Variants in PCBP3 observed in about 807,000 individuals in gnomAD.
The protein encoded by PCBP3 is poly(rC)-binding protein 3.
A neutral mutation model predicts 52.7 loss-of-function variants in PCBP3; 25 were observed. The ratio of observed to expected loss-of-function variants is 0.47; its 90% CI spans 0.35 to 0.66. PCBP3 has a LOEUF of 0.66. Ranked by LOEUF, PCBP3 falls within the 30% of genes least tolerant of loss-of-function variation. The probability of loss-of-function intolerance (pLI) is 0.01; values close to 1 mark genes in which losing one functional copy is unlikely to be tolerated. For missense variants in PCBP3, 391 were observed against 490.3 expected (o/e 0.80, Z 1.91); for synonymous variants, 162 against 183.0 (o/e 0.89, Z 0.93).
At chr21:45,925,285 A>G (rs935964459) in intron 13 of PCBP3, among the ~76,000 whole-genome samples, 6 of 152,136 alleles carry the variant, frequency 3.9e-5, no homozygotes, top group African/African-American at 1.2e-4. Context: ...CTCAACGCAC[A>G]TGTTAAAGTT....
chr21:45,722,419 A>G (rs58814110), intron 2 of PCBP3, among the ~76,000 whole-genome samples: 4,567 of 152,318 alleles, frequency 0.03, 238 homozygotes, highest in African/African-American at 0.1. Context: ...ATGAATGTAT[A>G]TCACTTTTAT....
chr21:45,689,165 A>G (rs1235227505), intron 2 of PCBP3, among the ~76,000 whole-genome samples: 1 of 152,114 alleles, frequency 6.6e-6, no homozygotes, highest in Admixed American at 6.5e-5. Context: ...GATCATAGAT[A>G]TAAAAGTCCT....
chr21:45,746,925 G>A (rs574624995), intron 3 of PCBP3, among the ~76,000 whole-genome samples: 3 of 100,994 alleles, frequency 3.0e-5, no homozygotes, highest in East Asian at 4.7e-4. Context: ...CAGCATCGCC[G>A]TGTCAGTCCA....
intron 2 of PCBP3, among the ~76,000 whole-genome samples, chr21:45,692,155 A>G (rs770639003): frequency 1.8e-4 from 28 of 152,208 alleles, no homozygotes; most frequent in Non-Finnish European, 3.2e-4. Context: ...AAGGGTCTCA[A>G]TAAAGAATCC....
At chr21:45,843,515 T>C (rs1397125815) in intron 4 of PCBP3, among the ~76,000 whole-genome samples, 1 of 152,244 alleles carries the variant, frequency 6.6e-6, no homozygotes, top group Non-Finnish European at 1.5e-5. Flanking sequence ...TTTGTGTTTC[T>C]TTACTCCTTT....
intron 3 of PCBP3, among the ~76,000 whole-genome samples, chr21:45,738,714 G>GC (rs1195453544): frequency 6.6e-6 from 1 of 151,032 alleles, no homozygotes; most frequent in Non-Finnish European, 1.5e-5. Flanking sequence ...CCCCTGGGTA[G>GC]CCCCCCCATC....
At chr21:45,840,774 C>A (rs1051213537) in intron 4 of PCBP3, among the ~76,000 whole-genome samples, 5 of 152,152 alleles carry the variant, frequency 3.3e-5, no homozygotes, top group African/African-American at 1.2e-4. Context: ...GCCACCATGC[C>A]TGGCTAATTT....
chr21:45,901,691 A>T (rs1466520599), intron 9 of PCBP3: 1 of 154,048 alleles, frequency 6.5e-6, no homozygotes, highest in Non-Finnish European at 1.4e-5. Flanking sequence ...AGACAGAGAG[A>T]TGAGAGAGAG....
intron 1 of PCBP3, among the ~76,000 whole-genome samples, chr21:45,655,835 T>G (rs886663315): frequency 6.6e-6 from 1 of 150,928 alleles, no homozygotes; most frequent in African/African-American, 2.4e-5. Flanking sequence ...CATCAAAAAG[T>G]GGGCAAGGCA....
chr21:45,785,375 C>A (rs567220286), intron 4 of PCBP3, among the ~76,000 whole-genome samples: 1 of 148,856 alleles, frequency 6.7e-6, no homozygotes, highest in Admixed American at 6.6e-5. Context: ...GCCGCCCCAT[C>A]CGGGAGGTGA....
intron 4 of PCBP3, among the ~76,000 whole-genome samples, chr21:45,779,972 C>T (rs569916586): frequency 2.2e-4 from 33 of 152,238 alleles, no homozygotes; most frequent in Admixed American, 7.2e-4. Context: ...CCTGCACAAA[C>T]GTGGCCAATT....
intron 2 of PCBP3, among the ~76,000 whole-genome samples, chr21:45,708,364 G>A (rs905027273): frequency 6.6e-6 from 1 of 152,154 alleles, no homozygotes; most frequent in Non-Finnish European, 1.5e-5. Flanking sequence ...TCAAATTGCT[G>A]CTGTGAGAGT....
intron 1 of PCBP3, among the ~76,000 whole-genome samples, chr21:45,659,337 C>CTTTTTTTTTTTT (rs36113182): frequency 1.1e-4 from 9 of 78,738 alleles, no homozygotes; most frequent in Admixed American, 4.6e-4. Context: ...TTTTACTTTC[C>CTTTTTTTTTTTT]TTTTTTTTTT....
At position 45,791,959 on chromosome 21, in the gene PCBP3, C is replaced by T. The variant is rs537637296; in HGVS notation, c.-126+36507C>T. 6.6e-6 allele frequency among the ~76,000 whole-genome samples: 1 copy of T among 152,386 alleles called. No homozygotes were observed. The highest frequency in any genetic ancestry group is 2.1e-4 in the South Asian group (1 of 4,832). On this transcript the variant is annotated intron_variant, in intron 4 of 17. Transcript: ENST00000681687. This position sits in a 1 kb window ranked among gnomAD's most constrained non-coding sequence, Gnocchi z 4.2. ...CCCCATCCTTAGGGCAGTGCCCGCC[C>T]TCAGGCTGACAGCCTTTCCTTTCCT...
intron 5 of PCBP3, among the ~76,000 whole-genome samples, chr21:45,865,831 G>C (rs1233421749): frequency 1.3e-5 from 2 of 152,214 alleles, no homozygotes; most frequent in Non-Finnish European, 2.9e-5. Flanking sequence ...CGGCTGTCCT[G>C]CAGAGGCCTC....
At chr21:45,779,178 C>T (rs925013769) in intron 4 of PCBP3, among the ~76,000 whole-genome samples, 6 of 152,258 alleles carry the variant, frequency 3.9e-5, no homozygotes, top group Admixed American at 2.0e-4. Context: ...TGGTGCCTTG[C>T]TGTAGCCACT....
intron 1 of PCBP3, among the ~76,000 whole-genome samples, chr21:45,651,489 T>A (rs1327474529): frequency 2.0e-5 from 3 of 152,244 alleles, no homozygotes; most frequent in Non-Finnish European, 4.4e-5. Context: ...AAGTTGGGAT[T>A]CATTCCAAAG....
intron 2 of PCBP3, among the ~76,000 whole-genome samples, chr21:45,709,709 A>G (rs540831366): frequency 1.3e-5 from 2 of 152,324 alleles, no homozygotes; most frequent in South Asian, 4.1e-4. Flanking sequence ...GTCATAGTTA[A>G]TGGACCAATA....
intron 4 of PCBP3, among the ~76,000 whole-genome samples, chr21:45,795,183 C>T (rs2146498055): frequency 6.6e-6 from 1 of 152,116 alleles, no homozygotes; most frequent in African/African-American, 2.4e-5. Flanking sequence ...TAATTCAGTA[C>T]CATAATGGGA....
Sources: allele counts gnomAD v4.1 joint callset (sites outside exome capture counted in the v4.1 genomes callset), GRCh38; gene constraint gnomAD v4.1.1; non-coding constraint Gnocchi (gnomAD v3.1); transcripts MANE v1.5; gene names NCBI Gene and HGNC (gene_info 2026-07-23, HGNC 2026-07-21).